The following CLSTN2 variants were observed in gnomAD, a reference collection of about 807,000 sequenced individuals.
CLSTN2 encodes calsyntenin-2.
CLSTN2 carries 48 observed loss-of-function variants against 101.2 expected under a neutral mutation model. That is an observed-to-expected ratio of 0.47 (90% CI 0.38 to 0.60). The LOEUF (loss-of-function observed/expected upper bound fraction) is 0.60. Ranked by LOEUF, CLSTN2 falls within the 20% of genes least tolerant of loss-of-function variation. CLSTN2 has a pLI of 0.00. For synonymous variants in CLSTN2, 481 were observed against 463.6 expected, an observed-to-expected ratio of 1.04 and a Z score of -0.48; for missense variants, 1,160 against 1,238.2, an observed-to-expected ratio of 0.94 and a Z score of 0.95.
At chr3:140,091,882 T>C (rs923049254) in intron 1 of CLSTN2, among the ~76,000 whole-genome samples, 4 of 152,220 alleles carry the variant, frequency 2.6e-5, no homozygotes, top group Non-Finnish European at 5.9e-5. Flanking sequence ...CTTTGTCTAA[T>C]TTTCTCCATT....
At chr3:139,958,315 A>G (rs749718335) in intron 1 of CLSTN2, among the ~76,000 whole-genome samples, 12 of 152,176 alleles carry the variant, frequency 7.9e-5, no homozygotes, top group Non-Finnish European at 1.3e-4. Flanking sequence ...ATCAGCCACA[A>G]GGTGTATGTG....
At chr3:140,321,701 G>A (rs538506651) in intron 2 of CLSTN2, among the ~76,000 whole-genome samples, 12 of 152,120 alleles carry the variant, frequency 7.9e-5, no homozygotes, top group Non-Finnish European at 1.8e-4. Flanking sequence ...CCCCTCCTAA[G>A]AAGGCAGTTA....
intron 1 of CLSTN2, among the ~76,000 whole-genome samples, chr3:139,982,282 A>G (rs1348812313): frequency 1.3e-5 from 2 of 151,960 alleles, no homozygotes; most frequent in Non-Finnish European, 2.9e-5. Flanking sequence ...CTCCAATTAT[A>G]CTTTAGGGGG....
chr3:140,118,499 G>A (rs1341788732), intron 1 of CLSTN2, among the ~76,000 whole-genome samples: 1 of 152,108 alleles, frequency 6.6e-6, no homozygotes, highest in African/African-American at 2.4e-5. Context: ...TGAGGCTGGG[G>A]AAACAAAAAG....
intron 2 of CLSTN2, among the ~76,000 whole-genome samples, chr3:140,248,588 C>T (rs1350105879): frequency 6.6e-6 from 1 of 152,154 alleles, no homozygotes; most frequent in Non-Finnish European, 1.5e-5. Flanking sequence ...GGGCAGCTGA[C>T]ATCCTGCAGA....
chr3:139,962,423 C>A (rs1220204133), intron 1 of CLSTN2, among the ~76,000 whole-genome samples: 1 of 152,070 alleles, frequency 6.6e-6, no homozygotes, highest in Non-Finnish European at 1.5e-5. Flanking sequence ...CTTTTGTAAT[C>A]CCTCCCTGCT....
chr3:140,336,069 C>G (rs745309394), intron 2 of CLSTN2, among the ~76,000 whole-genome samples: 95 of 152,198 alleles, frequency 6.2e-4, no homozygotes, highest in Non-Finnish European at 1.0e-3. Flanking sequence ...GATGAAGGAG[C>G]CGATTACTGC....
chr3:140,104,847 G>T (rs993074654), intron 1 of CLSTN2, among the ~76,000 whole-genome samples: 1 of 152,190 alleles, frequency 6.6e-6, no homozygotes, highest in African/African-American at 2.4e-5. Flanking sequence ...GGTGATGCAT[G>T]CATGACTGTA....
intron 1 of CLSTN2, among the ~76,000 whole-genome samples, chr3:140,051,615 T>G (rs1290433681): frequency 6.6e-6 from 1 of 152,158 alleles, no homozygotes; most frequent in East Asian, 1.9e-4. Flanking sequence ...CTACTCCCTG[T>G]GAGGACTGTG....
At chr3:140,307,692 T>C (rs927731524) in intron 2 of CLSTN2, among the ~76,000 whole-genome samples, 1 of 152,194 alleles carries the variant, frequency 6.6e-6, no homozygotes, top group Admixed American at 6.5e-5. Context: ...TTCCTCTTTA[T>C]CTTTTCTCAA....
At chr3:140,050,352 C>CACT (rs1161038778) in intron 1 of CLSTN2, among the ~76,000 whole-genome samples, 1 of 152,140 alleles carries the variant, frequency 6.6e-6, no homozygotes, top group Non-Finnish European at 1.5e-5. Context: ...CATATGAAAT[C>CACT]ACTACTATTT....
chr3:140,292,487 C>G (rs1484801667), intron 2 of CLSTN2, among the ~76,000 whole-genome samples: 1 of 152,186 alleles, frequency 6.6e-6, no homozygotes, highest in Non-Finnish European at 1.5e-5. Flanking sequence ...TAGTGATGGA[C>G]TCATTCCTCA....
intron 2 of CLSTN2, among the ~76,000 whole-genome samples, chr3:140,275,602 C>A (rs2086787673): frequency 6.6e-6 from 1 of 152,082 alleles, no homozygotes; most frequent in Non-Finnish European, 1.5e-5. Flanking sequence ...TTTACAAGAA[C>A]CTGCATCTCA....
chr3:139,998,436 G>C (rs899893260), intron 1 of CLSTN2, among the ~76,000 whole-genome samples: 1 of 139,162 alleles, frequency 7.2e-6, no homozygotes, highest in African/African-American at 2.7e-5. Flanking sequence ...CCGGGTTCAC[G>C]CCATTCTCCT....
chr3:140,425,942 C>G (rs542640933), intron 5 of CLSTN2, among the ~76,000 whole-genome samples: 1 of 152,224 alleles, frequency 6.6e-6, no homozygotes, highest in East Asian at 1.9e-4. Flanking sequence ...AACTACTTCT[C>G]TTTGTTTTGT....
At chr3:140,112,799 T>C (rs537070339) in intron 1 of CLSTN2, among the ~76,000 whole-genome samples, 1 of 152,236 alleles carries the variant, frequency 6.6e-6, no homozygotes, top group African/African-American at 2.4e-5. Context: ...TGCTTGTTGA[T>C]ACTATGAAAA....
intron 2 of CLSTN2, among the ~76,000 whole-genome samples, chr3:140,230,753 C>G (rs531893494): frequency 6.6e-6 from 1 of 152,188 alleles, no homozygotes; most frequent in African/African-American, 2.4e-5. Context: ...TTTTGTTATA[C>G]CAGCCTGAAC....
chr3:140,046,062 T>C (rs1316866035), intron 1 of CLSTN2, among the ~76,000 whole-genome samples: 1 of 152,246 alleles, frequency 6.6e-6, no homozygotes, highest in Non-Finnish European at 1.5e-5. Context: ...GTTCAATTCC[T>C]GTATATCCTT....
chr3:140,010,495 T>G (rs2007050687), intron 1 of CLSTN2, among the ~76,000 whole-genome samples: 1 of 152,232 alleles, frequency 6.6e-6, no homozygotes, highest in Non-Finnish European at 1.5e-5. Context: ...ATTTACATCT[T>G]GCTCTTTCCT....
Sources: allele counts gnomAD v4.1 joint callset (sites outside exome capture counted in the v4.1 genomes callset), GRCh38; gene constraint gnomAD v4.1.1; transcripts MANE v1.5; gene names NCBI Gene and HGNC (gene_info 2026-07-23, HGNC 2026-07-21).